The following ANKRD29 variants were observed in gnomAD, a reference collection of about 807,000 sequenced individuals.
The protein encoded by ANKRD29 is ankyrin repeat domain 29, also known as ankyrin repeat domain-containing protein 29.
ANKRD29 carries 32 observed loss-of-function variants against 38.0 expected under a neutral mutation model. The observed-to-expected ratio is 0.84, with a 90% confidence interval of 0.64 to 1.13. The LOEUF (loss-of-function observed/expected upper bound fraction) is 1.13, where lower values mean the gene tolerates loss of function less well. ANKRD29 is among the 50% of genes most tolerant of loss of function. The pLI, the probability that ANKRD29 is intolerant of heterozygous loss-of-function variation, is 0.00. For missense variants in ANKRD29, 357 were observed against 377.9 expected (o/e 0.94, Z 0.46); for synonymous variants, 135 against 152.4 (o/e 0.89, Z 0.84).
chr18:23,621,978 C>T (rs1008843831), intron 6 of ANKRD29, among the ~76,000 whole-genome samples: 3 of 152,084 alleles, frequency 2.0e-5, no homozygotes, highest in African/African-American at 7.2e-5. Flanking sequence ...GCCCAGCCTT[C>T]TAAGTCTCAA....
chr18:23,640,605 T>C (rs1227032367), intron 3 of ANKRD29, among the ~76,000 whole-genome samples: 3 of 152,210 alleles, frequency 2.0e-5, no homozygotes, highest in African/African-American at 7.2e-5. Flanking sequence ...TTCTAAAATT[T>C]AAACTGATCA....
chr18:23,661,933 A>T (rs2060367606), intron 1 of ANKRD29, among the ~76,000 whole-genome samples: 1 of 151,992 alleles, frequency 6.6e-6, no homozygotes, highest in South Asian at 2.1e-4. Flanking sequence ...CTTAGGAGTC[A>T]GACACACTTG....
At chr18:23,621,971 C>T (rs1421133024) in intron 6 of ANKRD29, among the ~76,000 whole-genome samples, 4 of 151,950 alleles carry the variant, frequency 2.6e-5, no homozygotes, top group Non-Finnish European at 5.9e-5. Flanking sequence ...GGTGTGAGCC[C>T]AGCCTTCTAA....
chr18:23,644,646 C>G (rs928722068), intron 3 of ANKRD29, among the ~76,000 whole-genome samples: 5 of 152,172 alleles, frequency 3.3e-5, no homozygotes, highest in African/African-American at 1.2e-4. Flanking sequence ...GCATGTCACT[C>G]TTTCATGGTC....
At chr18:23,632,770 G>C (rs1316797288) in intron 5 of ANKRD29, among the ~76,000 whole-genome samples, 1 of 152,004 alleles carries the variant, frequency 6.6e-6, no homozygotes, top group Non-Finnish European at 1.5e-5. Context: ...CGCCTCTTTA[G>C]ATCATTATCA....
intron 1 of ANKRD29, among the ~76,000 whole-genome samples, chr18:23,650,039 T>C (rs1305143522): frequency 2.6e-5 from 4 of 152,038 alleles, no homozygotes; most frequent in African/African-American, 9.7e-5. Flanking sequence ...CTCCATCTAA[T>C]TTTCTTTGCT....
At chr18:23,643,190 C>T (rs1223278419) in intron 3 of ANKRD29, among the ~76,000 whole-genome samples, 3 of 152,194 alleles carry the variant, frequency 2.0e-5, no homozygotes, top group Non-Finnish European at 4.4e-5. Context: ...GCTGTGCCCT[C>T]AGCCAGACTC....
At chr18:23,617,624 A>C (rs559395632) in intron 8 of ANKRD29, 108 bp downstream of exon 8, 1 of 769,970 alleles carries the variant, frequency 1.3e-6, no homozygotes, top group African/African-American at 1.7e-5. Context: ...TCTTTCAAGA[A>C]TCCAACTAAC....
chr18:23,648,930 A>G, intron 2 of ANKRD29, 153 bp downstream of exon 2: 1 of 601,856 alleles, frequency 1.7e-6, no homozygotes, highest in Non-Finnish European at 2.8e-6. Context: ...TTTTAAGTTC[A>G]CCACAGTACC....
chr18:23,645,251 T>G (rs1469929381), intron 3 of ANKRD29, among the ~76,000 whole-genome samples: 1 of 152,092 alleles, frequency 6.6e-6, no homozygotes, highest in Non-Finnish European at 1.5e-5. Context: ...CTGGGTCAGC[T>G]TGGAAATATA....
chr18:23,618,357 C>T (rs4800498), intron 7 of ANKRD29, among the ~76,000 whole-genome samples: 7,424 of 152,286 alleles, frequency 0.049, 473 homozygotes, highest in Admixed American at 0.19. Flanking sequence ...TGCAGTGGCT[C>T]ACGCCTGTAA....
intron 1 of ANKRD29, among the ~76,000 whole-genome samples, chr18:23,658,967 T>G (rs1456478365): frequency 6.6e-6 from 1 of 152,088 alleles, no homozygotes; most frequent in African/African-American, 2.4e-5. Flanking sequence ...CTATGGTATT[T>G]ATAATATAAA....
intron 6 of ANKRD29, among the ~76,000 whole-genome samples, chr18:23,622,290 A>C (rs1199874095): frequency 6.6e-6 from 1 of 152,118 alleles, no homozygotes; most frequent in Non-Finnish European, 1.5e-5. Flanking sequence ...TAGCTGCTGT[A>C]GCCAGAGGGG....
intron 1 of ANKRD29, among the ~76,000 whole-genome samples, chr18:23,656,891 T>C (rs2060291275): frequency 6.6e-6 from 1 of 152,142 alleles, no homozygotes; most frequent in Non-Finnish European, 1.5e-5. Context: ...CATTTCACAG[T>C]AAATCAACTC....
At chr18:23,638,222 G>A (rs889819534) in intron 4 of ANKRD29, among the ~76,000 whole-genome samples, 93 of 151,916 alleles carry the variant, frequency 6.1e-4, no homozygotes, top group African/African-American at 2.1e-3. Flanking sequence ...GGCCGGTCTC[G>A]AACTCCTAAC....
At chr18:23,662,373 C>T (rs1196157098) in intron 1 of ANKRD29, among the ~76,000 whole-genome samples, 1 of 152,172 alleles carries the variant, frequency 6.6e-6, no homozygotes, top group Non-Finnish European at 1.5e-5. Context: ...CCTTCTGCTG[C>T]AGGACAGCGC....
intron 5 of ANKRD29, among the ~76,000 whole-genome samples, chr18:23,630,671 A>G (rs940195993): frequency 1.3e-5 from 2 of 151,956 alleles, no homozygotes; most frequent in African/African-American, 4.8e-5. Flanking sequence ...CATTTAATAT[A>G]ATTTTCCATC....
chr18:23,618,952 G>A (rs1022618763), intron 7 of ANKRD29, among the ~76,000 whole-genome samples: 2 of 151,808 alleles, frequency 1.3e-5, no homozygotes, highest in Admixed American at 1.3e-4. Context: ...GAGAGGGGAA[G>A]GTGGGTTACG....
chr18:23,602,729 G>A (rs2059529258), intron 9 of ANKRD29, among the ~76,000 whole-genome samples: 1 of 151,350 alleles, frequency 6.6e-6, no homozygotes, highest in African/African-American at 2.4e-5. Flanking sequence ...AGACCAGCCT[G>A]GGCAACATAG....
Sources: gnomAD v4.1 joint callset for allele counts (sites outside exome capture counted in the v4.1 genomes callset) on GRCh38, gnomAD v4.1.1 for gene constraint, MANE v1.5 for transcripts, NCBI Gene and HGNC (gene_info 2026-07-23, HGNC 2026-07-21) for gene names.